Variants in CSMD1 observed in about 807,000 individuals in gnomAD.
CSMD1 encodes CUB and Sushi multiple domains 1, also known as CUB and sushi domain-containing protein 1.
Under a neutral mutation model 417.5 loss-of-function variants are expected in CSMD1, and 213 were observed. That is an observed-to-expected ratio of 0.51 (90% confidence interval 0.46 to 0.57). The LOEUF is 0.57. Ranked by LOEUF, CSMD1 falls within the 20% of genes least tolerant of loss-of-function variation. CSMD1 has a pLI of 0.00. For missense variants in CSMD1, 6,923 were observed against 4,529.7 expected (o/e 1.53, Z -15.17); for synonymous variants, 2,862 against 1,736.8 (o/e 1.65, Z -16.11).
At chr8:3,063,795 T>G (rs1207618539) in intron 49 of CSMD1, among the ~76,000 whole-genome samples, 1 of 152,106 alleles carries the variant, frequency 6.6e-6, no homozygotes, top group Non-Finnish European at 1.5e-5. Context: ...AGAGACAAAG[T>G]AAAATGATGG....
At chr8:4,070,371 G>C (rs2432744) in intron 3 of CSMD1, among the ~76,000 whole-genome samples, 2 of 151,912 alleles carry the variant, frequency 1.3e-5, no homozygotes, top group African/African-American at 4.8e-5. Flanking sequence ...CACCTATAAT[G>C]TTTTGAGACA....
intron 1 of CSMD1, among the ~76,000 whole-genome samples, chr8:4,986,119 G>A (rs984506554): frequency 2.6e-5 from 4 of 152,248 alleles, no homozygotes; most frequent in Admixed American, 2.0e-4. Context: ...AATTGTTGAT[G>A]GACTTTGAAC....
At chr8:4,433,115 A>G (rs1368905607) in intron 2 of CSMD1, among the ~76,000 whole-genome samples, 3 of 152,172 alleles carry the variant, frequency 2.0e-5, no homozygotes, top group Admixed American at 6.5e-5. Context: ...TCACCTCCAG[A>G]TGGGACTGAC....
chr8:4,124,637 C>G (rs1010702770), intron 3 of CSMD1, among the ~76,000 whole-genome samples: 6 of 152,160 alleles, frequency 3.9e-5, no homozygotes, highest in African/African-American at 1.4e-4. Flanking sequence ...ACTGGCAAGG[C>G]CCAGTGTGAA....
intron 37 of CSMD1, among the ~76,000 whole-genome samples, chr8:3,179,091 G>GCCCGCCACCACGC (rs1554452971): frequency 7.2e-6 from 1 of 139,272 alleles, no homozygotes; most frequent in Non-Finnish European, 1.6e-5. Context: ...GGGACTACAG[G>GCCCGCCACCACGC]CCCGCCACCA....
At chr8:4,029,526 C>T (rs555926878) in intron 4 of CSMD1, among the ~76,000 whole-genome samples, 6 of 152,192 alleles carry the variant, frequency 3.9e-5, no homozygotes, top group South Asian at 2.1e-4. Flanking sequence ...ACAAGAACAG[C>T]GCAGGAAAGA....
At chr8:3,770,856 G>A (rs1002738359) in intron 5 of CSMD1, among the ~76,000 whole-genome samples, 2 of 152,142 alleles carry the variant, frequency 1.3e-5, no homozygotes, top group South Asian at 4.1e-4. Flanking sequence ...AAAAACAAAT[G>A]GTCCTGTAGC....
chr8:3,926,285 C>G (rs1162538427), intron 5 of CSMD1, among the ~76,000 whole-genome samples: 1 of 152,142 alleles, frequency 6.6e-6, no homozygotes, highest in Admixed American at 6.6e-5. Flanking sequence ...CCAATACTCC[C>G]CTTGTGCCAT....
chr8:3,332,268 T>A (rs1466038255), intron 23 of CSMD1, among the ~76,000 whole-genome samples: 2 of 152,284 alleles, frequency 1.3e-5, no homozygotes, highest in African/African-American at 4.8e-5. Flanking sequence ...GACAATTGTA[T>A]CCTGCCCTCT....
At chr8:3,751,954 A>G (rs1347856441) in intron 6 of CSMD1, among the ~76,000 whole-genome samples, 1 of 152,206 alleles carries the variant, frequency 6.6e-6, no homozygotes, top group Non-Finnish European at 1.5e-5. Flanking sequence ...GTAAATATTG[A>G]CTTATGGTTA....
intron 1 of CSMD1, among the ~76,000 whole-genome samples, chr8:4,879,914 T>G (rs1306624406): frequency 6.6e-6 from 1 of 152,140 alleles, no homozygotes; most frequent in Non-Finnish European, 1.5e-5. Flanking sequence ...GGATTTTATC[T>G]CATTAACTTC....
At chr8:3,574,343 C>T (rs1036688767) in intron 10 of CSMD1, among the ~76,000 whole-genome samples, 1 of 152,196 alleles carries the variant, frequency 6.6e-6, no homozygotes, top group Non-Finnish European at 1.5e-5. Flanking sequence ...TGGGTTCAAG[C>T]GATTCCTGGG....
chr8:3,650,243 A>G (rs896070763), intron 7 of CSMD1, among the ~76,000 whole-genome samples: 3 of 151,910 alleles, frequency 2.0e-5, no homozygotes, highest in Admixed American at 6.6e-5. Context: ...GCTTCATTGC[A>G]CTCCAGCCTG....
At chr8:3,160,526 C>G (rs112148204) in intron 38 of CSMD1, among the ~76,000 whole-genome samples, 1,754 of 152,244 alleles carry the variant, frequency 0.012, 41 homozygotes, top group African/African-American at 0.04. Context: ...ACTGAGGTAT[C>G]CCAACTTTCA....
intron 5 of CSMD1, among the ~76,000 whole-genome samples, chr8:3,970,638 T>A (rs1212121679): frequency 6.6e-6 from 1 of 152,162 alleles, no homozygotes; most frequent in African/African-American, 2.4e-5. Flanking sequence ...CTTCATAGAT[T>A]TGCTAGAAAC....
chr8:3,250,713 A>G (rs1042742011), intron 26 of CSMD1, among the ~76,000 whole-genome samples: 4 of 152,182 alleles, frequency 2.6e-5, no homozygotes, highest in Non-Finnish European at 5.9e-5. Flanking sequence ...CATCCTCTCC[A>G]GCACCTGTTG....
chr8:4,315,624 A>G (rs1425981788), intron 3 of CSMD1, among the ~76,000 whole-genome samples: 1 of 152,218 alleles, frequency 6.6e-6, no homozygotes, highest in East Asian at 1.9e-4. Flanking sequence ...CTTGGTTTCC[A>G]AAGATAAAAT....
At chr8:3,714,930 G>C (rs970918619) in intron 6 of CSMD1, among the ~76,000 whole-genome samples, 1 of 152,000 alleles carries the variant, frequency 6.6e-6, no homozygotes, top group African/African-American at 2.4e-5. Flanking sequence ...ACATTGTTTC[G>C]CTTTTACTCT....
chr8:4,163,991 T>A (rs1387334740), intron 3 of CSMD1, among the ~76,000 whole-genome samples: 1 of 152,230 alleles, frequency 6.6e-6, no homozygotes, highest in African/African-American at 2.4e-5. Flanking sequence ...GATTGAGGAA[T>A]AATCGTGAGG....
Sources: allele counts gnomAD v4.1 joint callset (sites outside exome capture counted in the v4.1 genomes callset), GRCh38; gene constraint gnomAD v4.1.1; transcripts MANE v1.5; gene names NCBI Gene and HGNC (gene_info 2026-07-23, HGNC 2026-07-21).